GPC5: variants seen among roughly 807,000 people sequenced by gnomAD.
GPC5 encodes the protein glypican 5, also known as glypican-5.
A neutral mutation model predicts 53.9 loss-of-function variants in GPC5; 47 were observed. That is an observed-to-expected ratio of 0.87 (90% CI 0.69 to 1.11). The LOEUF (loss-of-function observed/expected upper bound fraction) is 1.11. GPC5 is among the 50% of genes most tolerant of loss of function. The pLI, the probability that GPC5 is intolerant of heterozygous loss-of-function variation, is 0.00. For synonymous variants in GPC5, 286 were observed against 263.3 expected (o/e 1.09, Z -0.84); for missense variants, 748 against 713.1 (o/e 1.05, Z -0.56).
Position 92,099,205 on chromosome 13 carries a change from A to G in GPC5, c.1402-45625A>G, listed in dbSNP as rs550091507. 2.0e-5 allele frequency among the ~76,000 whole-genome samples: 3 copies of G among 152,194 alleles called. No individual in the cohort carries two copies. The East Asian group carries it at 5.8e-4, about 29-fold the overall frequency. On this transcript the variant is annotated intron_variant, in intron 6 of 7. Coordinates refer to ENST00000377067, the MANE Select transcript of GPC5 (RefSeq NM_004466.6). ...TCCCAATATTCTTGAAACTACTTCC[A>G]TCTTGCCTCTCAAAATATTTGCATG...
At position 92,523,209 on chromosome 13, in the gene GPC5, C is replaced by T. The variant is rs12430472; in HGVS notation, c.1562-343073C>T. Reference sequence around the variant, plus strand: ...TTGTACTCAGATATTCACTATTGACCTTCTGGAACTCGTGTGTTGCTAAAC... The same window carrying T: ...TTGTACTCAGATATTCACTATTGACTTTCTGGAACTCGTGTGTTGCTAAAC... On this transcript the variant is annotated intron_variant, in intron 7 of 7. Transcript: ENST00000377067. Among the ~76,000 whole-genome samples the T allele has an allele frequency of 1.1e-3, 163 of 152,194 alleles. 1 individual carries two copies. The East Asian group carries it at 0.018, about 17-fold the overall frequency.
At chr13:91,645,581 A>G (rs13378593) in intron 2 of GPC5, among the ~76,000 whole-genome samples, 2,103 of 152,330 alleles carry the variant, frequency 0.014, 40 homozygotes, top group African/African-American at 0.048. Context: ...TTTATTCTAA[A>G]TGACTACAAA....
At chr13:91,817,882 T>C (rs899457345) in intron 5 of GPC5, among the ~76,000 whole-genome samples, 2 of 152,200 alleles carry the variant, frequency 1.3e-5, no homozygotes, top group Non-Finnish European at 2.9e-5. Context: ...TCCTGGTTTA[T>C]GTAAACTGTT....
intron 5 of GPC5, among the ~76,000 whole-genome samples, chr13:91,815,774 C>T (rs1051231932): frequency 2.0e-5 from 3 of 152,262 alleles, no homozygotes; most frequent in Non-Finnish European, 2.9e-5. Flanking sequence ...TTTCCACATA[C>T]ATAGAATTCA....
At chr13:91,446,979 A>G (rs1212703583) in intron 1 of GPC5, among the ~76,000 whole-genome samples, 1 of 152,242 alleles carries the variant, frequency 6.6e-6, no homozygotes, top group Non-Finnish European at 1.5e-5. Context: ...TGGTGAACAC[A>G]GAGAGCTGAA....
intron 7 of GPC5, among the ~76,000 whole-genome samples, chr13:92,817,418 A>G (rs757944744): frequency 3.6e-4 from 55 of 151,924 alleles, no homozygotes; most frequent in Non-Finnish European, 7.4e-4. Context: ...CCAAAACTAT[A>G]TGTTACTATG....
At chr13:92,188,807 G>A (rs895180944) in intron 7 of GPC5, among the ~76,000 whole-genome samples, 1 of 152,166 alleles carries the variant, frequency 6.6e-6, no homozygotes, top group Non-Finnish European at 1.5e-5. Context: ...TTCTGGTTCA[G>A]CATCTAAGAA....
At chr13:92,517,317 C>G (rs1428518589) in intron 7 of GPC5, among the ~76,000 whole-genome samples, 1 of 152,216 alleles carries the variant, frequency 6.6e-6, no homozygotes, top group Non-Finnish European at 1.5e-5. Context: ...ATGTCCCTGT[C>G]TGACAGCTTT....
chr13:92,424,802 ATATTCATC>A (rs78463298), intron 7 of GPC5, among the ~76,000 whole-genome samples: 10,361 of 139,300 alleles, frequency 0.074, 384 homozygotes, highest in Admixed American at 0.1. Context: ...ACACAAATCA[ATATTCATC>A]TATTCATTCA....
At chr13:91,414,932 C>G (rs1172983980) in intron 1 of GPC5, among the ~76,000 whole-genome samples, 3 of 152,040 alleles carry the variant, frequency 2.0e-5, no homozygotes, top group East Asian at 1.9e-4. Context: ...CTTAAGACAC[C>G]CTTCATGGTT....
intron 7 of GPC5, among the ~76,000 whole-genome samples, chr13:92,345,319 T>G (rs2043401626): frequency 6.6e-6 from 1 of 152,102 alleles, no homozygotes; most frequent in Admixed American, 6.6e-5. Flanking sequence ...ACAGATTGAA[T>G]GTACGTAATA....
intron 7 of GPC5, among the ~76,000 whole-genome samples, chr13:92,683,075 A>T (rs1371884906): frequency 6.6e-6 from 1 of 152,180 alleles, no homozygotes; most frequent in Non-Finnish European, 1.5e-5. Flanking sequence ...TGCAGTATTT[A>T]GTGTCTAGAC....
intron 6 of GPC5, among the ~76,000 whole-genome samples, chr13:91,936,676 G>T (rs2039874382): frequency 6.6e-6 from 1 of 151,990 alleles, no homozygotes; most frequent in African/African-American, 2.4e-5. Context: ...ATCATTCTAG[G>T]ATTTTCTTTG....
intron 7 of GPC5, among the ~76,000 whole-genome samples, chr13:92,752,381 C>A (rs1374125153): frequency 6.6e-6 from 1 of 152,118 alleles, no homozygotes; most frequent in African/African-American, 2.4e-5. Context: ...TCTGATTTTT[C>A]CCATTGCTTG....
Position 91,908,037 on chromosome 13 carries a change from A to G in GPC5, c.1381A>G (p.Lys461Glu). 6.3e-7 allele frequency: 1 copy of G among 1,587,328 alleles called. No individual in the cohort carries two copies. Residue 461 changes from lysine (K) to glutamate (E), a missense_variant, in exon 6 of 8, where the codon AAA (lysine) becomes GAA (glutamate). Physicochemically the swap from Lys to Glu is moderately conservative, Grantham distance 56. Transcript: ENST00000377067. ...IDPVINQIID[K>E]LKHVVQLLQG... is the part of the protein sequence containing the mutation. ...TCCTGTGATAAATCAGATTATTGAT[A>G]AACTGAAGCATGTTGTTCAGGTAAG...
At chr13:92,348,487 C>A (rs2043447253) in intron 7 of GPC5, among the ~76,000 whole-genome samples, 1 of 151,966 alleles carries the variant, frequency 6.6e-6, no homozygotes, top group Non-Finnish European at 1.5e-5. Context: ...TAGTAAGAGA[C>A]TTTAATATAT....
At chr13:92,045,191 G>A (rs113629700) in intron 6 of GPC5, among the ~76,000 whole-genome samples, 2,173 of 152,224 alleles carry the variant, frequency 0.014, 52 homozygotes, top group African/African-American at 0.05. Flanking sequence ...AATTTAGCCC[G>A]TTCTGTTTGG....
intron 2 of GPC5, among the ~76,000 whole-genome samples, chr13:91,536,937 C>A (rs1475693877): frequency 7.2e-5 from 11 of 152,020 alleles, no homozygotes; most frequent in East Asian, 5.8e-4. Flanking sequence ...ATAATAAAGA[C>A]ACTACTAAAT....
intron 3 of GPC5, among the ~76,000 whole-genome samples, chr13:91,714,493 C>G (rs1430046570): frequency 1.3e-5 from 2 of 152,136 alleles, no homozygotes; most frequent in Non-Finnish European, 2.9e-5. Flanking sequence ...AATCGAAGCA[C>G]ATATAATGCC....
Sources: allele counts gnomAD v4.1 joint callset (sites outside exome capture counted in the v4.1 genomes callset), GRCh38; gene constraint gnomAD v4.1.1; transcripts MANE v1.5; gene names NCBI Gene and HGNC (gene_info 2026-07-23, HGNC 2026-07-21).